The following GAK variants were observed in gnomAD, a reference collection of about 807,000 sequenced individuals.
The protein encoded by GAK is cyclin G associated kinase.
A neutral mutation model predicts 143.9 loss-of-function variants in GAK; 79 were observed. The ratio of observed to expected loss-of-function variants is 0.55; its 90% CI spans 0.46 to 0.66. The LOEUF (loss-of-function observed/expected upper bound fraction) is 0.66. Ranked by LOEUF, GAK falls within the 30% of genes least tolerant of loss-of-function variation. The pLI is 0.00. For missense variants in GAK, 1,693 were observed against 1,779.7 expected (o/e 0.95, Z 0.88); for synonymous variants, 881 against 765.5 (o/e 1.15, Z -2.49).
At chr4:893,578 G>A in intron 8 of GAK, 89 bp from the exon 9 acceptor site, 1 of 922,422 alleles carries the variant, frequency 1.1e-6, no homozygotes, top group Middle Eastern at 2.2e-4. Context: ...ACCACCAGAG[G>A]CCACTCCCTC....
At chr4:868,757 G>A (rs1342757687) in intron 19 of GAK, 72 bp from the exon 20 acceptor site, 2 of 1,474,622 alleles carry the variant, frequency 1.4e-6, no homozygotes, top group Non-Finnish European at 9.1e-7. Flanking sequence ...CCCCAGAGCT[G>A]GGAAGTGCAG....
At chr4:914,474 CCACA>C (rs1560429089) in intron 1 of GAK, among the ~76,000 whole-genome samples, 2 of 106,486 alleles carry the variant, frequency 1.9e-5, no homozygotes, top group African/African-American at 7.6e-5. Flanking sequence ...GTGCACGGCC[CCACA>C]CACACACAGC....
intron 12 of GAK, 80 bp from the exon 13 acceptor site, chr4:883,543 G>C: frequency 6.5e-7 from 1 of 1,528,216 alleles, no homozygotes; most frequent in Non-Finnish European, 8.9e-7. Context: ...CGCTGCTCCT[G>C]ACGCCCCCGG....
At chr4:905,511 C>T (rs1267612034) in intron 4 of GAK, among the ~76,000 whole-genome samples, 3 of 149,738 alleles carry the variant, frequency 2.0e-5, no homozygotes, top group Admixed American at 6.6e-5. Flanking sequence ...TGCCACGCTA[C>T]GGACTCCGCC....
At chr4:912,819 A>C in intron 2 of GAK, 25 bp from the exon 3 acceptor site, 1 of 1,605,480 alleles carries the variant, frequency 6.2e-7, no homozygotes, top group Non-Finnish European at 8.5e-7. Flanking sequence ...AGCACACACA[A>C]AAGATGAAAG....
chr4:908,844 T>C (rs1721535311), intron 4 of GAK, among the ~76,000 whole-genome samples: 1 of 152,066 alleles, frequency 6.6e-6, no homozygotes, highest in Non-Finnish European at 1.5e-5. Context: ...TAAAGTAAAA[T>C]CCCATTTTTA....
intron 5 of GAK, among the ~76,000 whole-genome samples, chr4:898,659 C>T (rs1577224457): frequency 3.9e-5 from 6 of 152,242 alleles, no homozygotes; most frequent in East Asian, 1.9e-4. Context: ...GTCAGGAGTT[C>T]GAGACACGCC....
At chr4:891,665 C>T (rs1717692477) in intron 9 of GAK, among the ~76,000 whole-genome samples, 1 of 152,164 alleles carries the variant, frequency 6.6e-6, no homozygotes, top group Admixed American at 6.5e-5. Flanking sequence ...CCTCCCGCCC[C>T]ATCAAGAATC....
chr4:911,184 C>T (rs1721992432), intron 4 of GAK, among the ~76,000 whole-genome samples: 1 of 152,174 alleles, frequency 6.6e-6, no homozygotes, highest in African/African-American at 2.4e-5. Flanking sequence ...CTGGAGTTGT[C>T]CACCTCTGCG....
chr4:931,905 G>T, intron 1 of GAK, 138 bp downstream of exon 1: 1 of 675,772 alleles, frequency 1.5e-6, no homozygotes, highest in Non-Finnish European at 2.5e-6. Flanking sequence ...ACCCTCCCCT[G>T]GCCGACCCTG....
At chr4:917,563 A>G (rs1238988582) in intron 1 of GAK, among the ~76,000 whole-genome samples, 1 of 152,280 alleles carries the variant, frequency 6.6e-6, no homozygotes, top group Non-Finnish European at 1.5e-5. Flanking sequence ...TAGTGTACAG[A>G]AAACTCTAGA....
intron 1 of GAK, among the ~76,000 whole-genome samples, chr4:920,485 G>A (rs991746777): frequency 6.6e-6 from 1 of 150,972 alleles, no homozygotes; most frequent in Non-Finnish European, 1.5e-5. Context: ...GGTCCCAGAA[G>A]TCCAAGAATA....
chr4:872,905 C>T, intron 18 of GAK: 1 of 156,288 alleles, frequency 6.4e-6, no homozygotes, highest in Non-Finnish European at 1.4e-5. Flanking sequence ...GCCATGGCTG[C>T]AACCCTGTGC....
intron 18 of GAK, among the ~76,000 whole-genome samples, chr4:874,502 T>C (rs1713408115): frequency 6.6e-6 from 1 of 152,136 alleles, no homozygotes; most frequent in African/African-American, 2.4e-5. Flanking sequence ...TTCCCGTATT[T>C]TTCTCTCAGC....
At chr4:867,832 C>T (rs990460874) in intron 20 of GAK, among the ~76,000 whole-genome samples, 2 of 152,220 alleles carry the variant, frequency 1.3e-5, no homozygotes, top group Non-Finnish European at 2.9e-5. Context: ...TCTGGGCGGG[C>T]GGTGGGGTGT....
intron 1 of GAK, chr4:915,397 T>C (rs980699733): frequency 1.8e-5 from 3 of 167,244 alleles, no homozygotes; most frequent in African/African-American, 7.2e-5. Flanking sequence ...CTAGACAGAC[T>C]GATCCAGAGA....
rs973601198 is a variant in GAK, at chr4:881,773, G to T, written c.1661+134C>A. 6 of 1,132,840 alleles carry T rather than the reference G, an allele frequency of 5.3e-6. No individual in the cohort carries two copies. In the African/African-American group the frequency reaches 7.8e-5, roughly 15 times the overall value. The allele number at this position is 1,132,840 out of a possible 1,614,324, so 70.2% of individuals were successfully genotyped here. ...AAGCCCAGGGCTCAGCCATGGCTCCGCGAGGCCGGGCCTGCCTTTCCCACC... is the reference window on the plus strand; with the variant it reads ...AAGCCCAGGGCTCAGCCATGGCTCCTCGAGGCCGGGCCTGCCTTTCCCACC... On this transcript the variant is annotated intron_variant, in intron 15 of 27. Transcript: ENST00000314167.
chr4:883,096 A>C (rs1441554187), intron 13 of GAK, among the ~76,000 whole-genome samples: 1 of 152,200 alleles, frequency 6.6e-6, no homozygotes, highest in African/African-American at 2.4e-5. Context: ...GGTGGGAAGC[A>C]GTGAGGAGCT....
chr4:850,725 T>C (rs1577019253), intron 26 of GAK: 1 of 231,460 alleles, frequency 4.3e-6, no homozygotes, highest in Non-Finnish European at 7.5e-6. Context: ...CCTGCCCCCC[T>C]GGCCTCAGGC....
Sources: gnomAD v4.1 joint callset for allele counts (sites outside exome capture counted in the v4.1 genomes callset) on GRCh38, gnomAD v4.1.1 for gene constraint, MANE v1.5 for transcripts, NCBI Gene and HGNC (gene_info 2026-07-23, HGNC 2026-07-21) for gene names.